FBF1: variants seen among roughly 807,000 people sequenced by gnomAD.
The protein encoded by FBF1 is fas-binding factor 1.
In FBF1, 119 loss-of-function variants were observed where a neutral mutation model predicts 147.2. The observed-to-expected ratio is 0.81, with a 90% CI of 0.70 to 0.94. The LOEUF is 0.94. Among genes scored for constraint, FBF1 ranks in the 40% least tolerant of loss-of-function variants. The pLI is 0.00. For synonymous variants in FBF1, 601 were observed against 609.0 expected (o/e 0.99, Z 0.19); for missense variants, 1,449 against 1,500.8 (o/e 0.97, Z 0.57).
rs141334937 is a variant in FBF1, at chr17:75,938,283, G to C, written c.-83-51C>G. ...CTTAAAAATGATGTAGCTTTGGCTGGGCGCCATGGCTCACGCCTGTTAATC... is the reference window on the plus strand; with the variant it reads ...CTTAAAAATGATGTAGCTTTGGCTGCGCGCCATGGCTCACGCCTGTTAATC... On this transcript the variant is annotated intron_variant, in intron 1 of 29. Coordinates refer to ENST00000636174, the MANE Select transcript of FBF1 (RefSeq NM_001319193.2). 1.3e-3 allele frequency: 1,679 copies of C among 1,340,448 alleles called. 16 individuals are homozygous for C. In the African/African-American group the frequency reaches 0.02, roughly 16 times the overall value. The allele number at this position is 1,340,448 out of a possible 1,614,324, so 83.0% of individuals were successfully genotyped here.
At position 75,920,084 on chromosome 17, in the gene FBF1, C is replaced by A. The variant is rs759108333; in HGVS notation, c.1854G>T (p.Arg618=). ...TCCCCAGCAGCAGCTCATGCTGGGC[C>A]CGTTCTAGCTCCAGCTTCCGCACCT... ...EAQVRKLELE[R]AQHELLLGSL... Residue 618 remains arginine, a synonymous_variant, in exon 19 of 30, where the codon CGG becomes CGT. Transcript: ENST00000636174. The A allele has an allele frequency of 1.9e-6, 3 of 1,588,716 alleles. No individual in the cohort carries two copies. The highest frequency in any genetic ancestry group is 1.1e-5 in the South Asian group (1 of 88,250).
chr17:75,918,633 G>T lies in FBF1; in HGVS notation c.2139-364C>A, dbSNP rs1452579222. Among the ~76,000 whole-genome samples the T allele has an allele frequency of 2.0e-5, 3 of 151,684 alleles. No individual in the cohort carries two copies. Among genetic ancestry groups the T allele is most frequent in the Admixed American group, 2.0e-4 (3 of 15,214 alleles). On this transcript the variant is annotated intron_variant, in intron 20 of 29. Coordinates refer to ENST00000636174, the MANE Select transcript of FBF1 (RefSeq NM_001319193.2). This position sits in a 1 kb window ranked among gnomAD's most constrained non-coding sequence, Gnocchi z 5.8. ...CTGCCTCAGCCTCCCGAGTGGCTGGGACTATAGGCGCTCACCACGCCTAAT... is the reference window on the plus strand; with the variant it reads ...CTGCCTCAGCCTCCCGAGTGGCTGGTACTATAGGCGCTCACCACGCCTAAT...
rs1209261332 is a variant in FBF1, at chr17:75,921,478, C to CT, written c.1608dup (p.Ala537SerfsTer3). 2 of 1,612,530 alleles carry CT rather than the reference C, an allele frequency of 1.2e-6. No individual in the cohort carries two copies. ...CAGCAAACAAAAAACAAACCAGTGG[C>CT]TGAGAGGTCTCCAGGGGCTGTTCCC... On this transcript the variant is annotated frameshift_variant, in exon 16 of 30. Coordinates refer to ENST00000636174, the MANE Select transcript of FBF1 (RefSeq NM_001319193.2). LOFTEE classifies it high-confidence loss of function.
Position 75,926,327 on chromosome 17 carries a change from C to G in FBF1, c.695G>C (p.Gly232Ala), listed in dbSNP as rs1284951562. Residue 232 changes from glycine (G) to alanine (A), a missense_variant, in exon 11 of 30, where the codon GGA becomes GCA. Coordinates refer to ENST00000636174, the MANE Select transcript of FBF1 (RefSeq NM_001319193.2). ...CCTCTTCTCTGCTTTGGGGCTGTCT[C>G]CAAACCCCAAGGTGGCCATGATGTC... is the stretch of plus-strand genomic sequence containing the variant. ...GDDIMATLGF[G>A]DSPKAEKRQI... 1 of 1,613,330 alleles carries G rather than the reference C, an allele frequency of 6.2e-7. No homozygotes were observed. Among genetic ancestry groups the G allele is most frequent in the Non-Finnish European group, 8.5e-7 (1 of 1,179,662 alleles).
rs1037936047 is a variant in FBF1 at position 75,918,622 on chromosome 17, C to T, written c.2139-353G>A. ...AAGCAATTCTCCTGCCTCAGCCTCC[C>T]GAGTGGCTGGGACTATAGGCGCTCA... On this transcript the variant is annotated intron_variant, in intron 20 of 29. Coordinates refer to ENST00000636174, the MANE Select transcript of FBF1 (RefSeq NM_001319193.2). This position sits in a 1 kb window ranked among gnomAD's most constrained non-coding sequence, Gnocchi z 5.8. 4.6e-5 allele frequency among the ~76,000 whole-genome samples: 7 copies of T among 152,026 alleles called. No homozygotes were observed. The highest frequency in any genetic ancestry group is 1.4e-4 in the African/African-American group (6 of 41,394).
At chr17:75,932,899 T>C (rs1414478651) in intron 5 of FBF1, 96 bp downstream of exon 5, 5 of 642,414 alleles carry the variant, frequency 7.8e-6, no homozygotes, top group Non-Finnish European at 1.1e-5. Flanking sequence ...AAAAAAAAAA[T>C]GGCGAGCAAA....
rs1211773157 is a variant in FBF1, at chr17:75,925,767, T to C, written c.868+263A>G. On this transcript the variant is annotated intron_variant, in intron 12 of 29. Coordinates refer to ENST00000636174, the MANE Select transcript of FBF1 (RefSeq NM_001319193.2). This position sits in a 1 kb window ranked among gnomAD's most constrained non-coding sequence, Gnocchi z 5.0. The stretch of plus-strand genomic sequence containing the variant: ...CTTTTCAAATGCGAGCTGCTACCCA[T>C]GAGAGGGCTGAGAAACCAGCTTAAT... Among the ~76,000 whole-genome samples the C allele has an allele frequency of 1.3e-5, 2 of 152,192 alleles. No individual in the cohort carries two copies. The highest frequency in any genetic ancestry group is 2.9e-5 in the Non-Finnish European group (2 of 68,022).
In FBF1 at chr17:75,919,812, T is replaced by A; in HGVS notation, c.1994A>T (p.Asn665Ile). The A allele has an allele frequency of 6.2e-7, 1 of 1,613,852 alleles. No homozygotes were observed. The highest frequency in any genetic ancestry group is 1.1e-5 in the South Asian group (1 of 91,090). Residue 665 changes from asparagine to isoleucine, a missense_variant, in exon 20 of 30, where the codon AAC becomes ATC. Asn to Ile is a moderately radical substitution (Grantham distance 149). Transcript: ENST00000636174. The surrounding 1 kb of genome is among the most constrained non-coding windows in gnomAD (Gnocchi z 5.0). Reference sequence around the variant, plus strand: ...CAGATACCGAGCTGACAGCTCTTCGTTCTCTCTCCGGAGCCGCTCCTCCCG... The same window carrying A: ...CAGATACCGAGCTGACAGCTCTTCGATCTCTCTCCGGAGCCGCTCCTCCCG... ...QQREERLRRE[N>I]EELSARYLSQ...
At chr17:75,936,493 A>AAAAC (rs771143742) in intron 3 of FBF1, among the ~76,000 whole-genome samples, 40 of 152,018 alleles carry the variant, frequency 2.6e-4, no homozygotes, top group Non-Finnish European at 4.9e-4. Context: ...CGCCGTCTCA[A>AAAAC]AAACAAACAA....
chr17:75,912,089 TG>T, intron 29 of FBF1, 102 bp downstream of exon 29: 2 of 1,132,650 alleles, frequency 1.8e-6, no homozygotes, highest in Non-Finnish European at 1.3e-6. Flanking sequence ...CCCCAGGAGC[TG>T]GGGTCACCCC....
chr17:75,920,416 T>C lies in FBF1; in HGVS notation c.1688A>G (p.Glu563Gly). The C allele has an allele frequency of 1.2e-6, 2 of 1,607,488 alleles. No individual in the cohort carries two copies. Among genetic ancestry groups the C allele is most frequent in the Non-Finnish European group, 1.7e-6 (2 of 1,177,448 alleles). ...PSVPVQPLLP[E>G]SLARSLLPST... Reference sequence around the variant, plus strand: ...CGGCAGCAGGCTCCGGGCCAGGGACTCTGGGAGCAGGGGCTGGAGGAGAGG... The same window carrying C: ...CGGCAGCAGGCTCCGGGCCAGGGACCCTGGGAGCAGGGGCTGGAGGAGAGG... Residue 563 changes from glutamate (E) to glycine (G), a missense_variant, in exon 18 of 30, where the codon GAG (glutamate) becomes GGG (glycine). Coordinates refer to ENST00000636174, the MANE Select transcript of FBF1 (RefSeq NM_001319193.2).
In FBF1 at chr17:75,918,536, C is replaced by T. The variant is rs369691242; in HGVS notation, c.2139-267G>A. Among the ~76,000 whole-genome samples, 2 of 152,148 alleles carry T rather than the reference C, an allele frequency of 1.3e-5. No homozygotes were observed. The highest frequency in any genetic ancestry group is 4.8e-5 in the African/African-American group (2 of 41,436). ...TGTCACCCAGAGTCTCTCACTCTGT[C>T]GCCCAGGCTGGAGTTCAGTGGCATG... On this transcript the variant is annotated intron_variant, in intron 20 of 29. Transcript: ENST00000636174. The surrounding 1 kb of genome is among the most constrained non-coding windows in gnomAD (Gnocchi z 5.8).
chr17:75,922,069 GT>G lies in FBF1; in HGVS notation c.1425-24del. ...TGGCTGAGGAAAGGCAGCGTTCAAG[GT>G]GAAGGTGACAGAAGGCCCAGGTCAG... is the stretch of plus-strand genomic sequence containing the variant. On this transcript the variant is annotated intron_variant, in intron 14 of 29. Coordinates refer to ENST00000636174, the MANE Select transcript of FBF1 (RefSeq NM_001319193.2). The surrounding 1 kb of genome is among the most constrained non-coding windows in gnomAD (Gnocchi z 5.0). 6.5e-7 allele frequency: 1 copy of G among 1,548,920 alleles called. No homozygotes were observed. The highest frequency in any genetic ancestry group is 1.2e-5 in the South Asian group (1 of 84,010).
At chr17:75,934,694 C>T (rs761231270) in intron 4 of FBF1, among the ~76,000 whole-genome samples, 8 of 151,554 alleles carry the variant, frequency 5.3e-5, no homozygotes, top group Non-Finnish European at 1.0e-4. Context: ...GACTGACCAA[C>T]GTGGAGAAAC....
At chr17:75,920,184 T>C in intron 18 of FBF1, 77 bp from the exon 19 acceptor site, 1 of 1,588,426 alleles carries the variant, frequency 6.3e-7, no homozygotes, top group Non-Finnish European at 8.6e-7. Context: ...CAACAGCCCT[T>C]CCTCCCTCCT....
intron 29 of FBF1, among the ~76,000 whole-genome samples, chr17:75,911,446 A>G (rs1333744721): frequency 6.6e-6 from 1 of 152,210 alleles, no homozygotes; most frequent in Non-Finnish European, 1.5e-5. Flanking sequence ...AGCTGGGCTC[A>G]AGCAATCCTC....
At chr17:75,912,390 C>A (rs2144148616) in intron 28 of FBF1, 83 bp from the exon 29 acceptor site, 3 of 1,068,066 alleles carry the variant, frequency 2.8e-6, no homozygotes, top group African/African-American at 1.6e-5. Flanking sequence ...CAGAGCTGCT[C>A]CCCCCGCCAG....
intron 16 of FBF1, 61 bp from the exon 17 acceptor site, chr17:75,921,363 C>T: frequency 1.3e-6 from 2 of 1,556,798 alleles, no homozygotes; most frequent in Non-Finnish European, 1.7e-6. Flanking sequence ...TGCGAGTGTC[C>T]AGGAGGGGCT....
In FBF1 at chr17:75,919,819, T is replaced by C; in HGVS notation, c.1987A>G (p.Arg663Gly). 1 of 1,613,736 alleles carries C rather than the reference T, an allele frequency of 6.2e-7. No homozygotes were observed. Among genetic ancestry groups the C allele is most frequent in the Non-Finnish European group, 8.5e-7 (1 of 1,179,864 alleles). ...SYQQREERLR[R>G]ENEELSARYL... ...CGAGCTGACAGCTCTTCGTTCTCTCTCCGGAGCCGCTCCTCCCGTTGCTGG... is the reference window on the plus strand; with the variant it reads ...CGAGCTGACAGCTCTTCGTTCTCTCCCCGGAGCCGCTCCTCCCGTTGCTGG... The change falls in exon 20 of 30, where the codon AGA (arginine) becomes GGA (glycine). Residue 663 changes from arginine to glycine, a missense_variant. Physicochemically the swap from Arg to Gly is moderately radical, Grantham distance 125. Transcript: ENST00000636174. This position sits in a 1 kb window ranked among gnomAD's most constrained non-coding sequence, Gnocchi z 5.0.
Sources: allele counts gnomAD v4.1 joint callset (sites outside exome capture counted in the v4.1 genomes callset), GRCh38; gene constraint gnomAD v4.1.1; non-coding constraint Gnocchi (gnomAD v3.1); transcripts MANE v1.5; gene names NCBI Gene and HGNC (gene_info 2026-07-23, HGNC 2026-07-21).